The following RABGAP1L variants were observed in gnomAD, a reference collection of about 807,000 sequenced individuals.
The protein encoded by RABGAP1L is rab GTPase-activating protein 1-like.
A neutral mutation model predicts 137.7 loss-of-function variants in RABGAP1L; 63 were observed. The ratio of observed to expected loss-of-function variants is 0.46; its 90% CI spans 0.37 to 0.56. The LOEUF (loss-of-function observed/expected upper bound fraction) is 0.56, where lower values mean the gene tolerates loss of function less well. RABGAP1L is among the 20% of genes least tolerant of loss of function. RABGAP1L has a pLI of 0.00. For synonymous variants in RABGAP1L, 431 were observed against 433.7 expected, an observed-to-expected ratio of 0.99 and a Z score of 0.08; for missense variants, 1,095 against 1,244.0, an observed-to-expected ratio of 0.88 and a Z score of 1.80.
At chr1:174,949,432 C>T (rs182003927) in intron 19 of RABGAP1L, among the ~76,000 whole-genome samples, 78 of 152,190 alleles carry the variant, frequency 5.1e-4, no homozygotes, top group African/African-American at 1.4e-3. Context: ...ATTTTTGAGG[C>T]GTACAGTATA....
intron 10 of RABGAP1L, among the ~76,000 whole-genome samples, 170 bp downstream of exon 10, chr1:174,278,949 A>G (rs187590542): frequency 6.2e-4 from 94 of 152,318 alleles, no homozygotes; most frequent in Admixed American, 9.8e-4. Context: ...CATCTAGGTA[A>G]TATTAGCTAA....
chr1:174,333,887 A>G (rs138010730), intron 11 of RABGAP1L, among the ~76,000 whole-genome samples: 2,603 of 152,274 alleles, frequency 0.017, 32 homozygotes, highest in South Asian at 0.025. Flanking sequence ...CAGTCTTGCA[A>G]GTAGCATGAG....
intron 3 of RABGAP1L, among the ~76,000 whole-genome samples, chr1:174,228,195 T>G (rs1424580269): frequency 6.6e-6 from 1 of 152,100 alleles, no homozygotes; most frequent in Non-Finnish European, 1.5e-5. Flanking sequence ...TTATCATTTC[T>G]TATTTTTGGA....
Position 174,518,739 on chromosome 1 carries a change from A to G in RABGAP1L, c.1711-118636A>G, listed in dbSNP as rs143553626. 2.2e-4 allele frequency among the ~76,000 whole-genome samples: 34 copies of G among 152,308 alleles called. 2 individuals are homozygous for G. The highest frequency in any genetic ancestry group is 7.9e-4 in the African/African-American group (33 of 41,572). ...AAGTTGGCTGCTAGTTGTATAAATA[A>G]GCTAATGGCTTCAGTAATTGCTGTT... is the stretch of plus-strand genomic sequence containing the variant. On this transcript the variant is annotated intron_variant, in intron 13 of 25. Coordinates refer to ENST00000681986, the MANE Select transcript of RABGAP1L (RefSeq NM_001366446.1).
intron 15 of RABGAP1L, among the ~76,000 whole-genome samples, chr1:174,698,230 G>A (rs1318701266): frequency 6.6e-6 from 1 of 152,108 alleles, no homozygotes; most frequent in African/African-American, 2.4e-5. Context: ...CTGTATGCTT[G>A]GTGTAATTTC....
intron 4 of RABGAP1L, among the ~76,000 whole-genome samples, chr1:174,240,410 C>G (rs1018504194): frequency 6.6e-6 from 1 of 152,180 alleles, no homozygotes; most frequent in Non-Finnish European, 1.5e-5. Flanking sequence ...CCATGCCTGG[C>G]TGATTTTTGT....
intron 13 of RABGAP1L, among the ~76,000 whole-genome samples, chr1:174,580,830 A>G (rs1196461111): frequency 6.6e-6 from 1 of 152,270 alleles, no homozygotes; most frequent in African/African-American, 2.4e-5. Context: ...TTATAACTCA[A>G]TAAAAATGTA....
rs567045101 is a variant in RABGAP1L at position 174,234,906 on chromosome 1, A to G, written c.542+3551A>G. On this transcript the variant is annotated intron_variant, in intron 4 of 25. Coordinates refer to ENST00000681986, the MANE Select transcript of RABGAP1L (RefSeq NM_001366446.1). ...GATTCTTCCTACCCATGAGCATGGA[A>G]TGTTCTTCCATTTGTTTGTATCCTC... Among the ~76,000 whole-genome samples the G allele has an allele frequency of 1.2e-3, 152 of 131,690 alleles. 5 individuals are homozygous for G. The highest frequency in any genetic ancestry group is 7.2e-3 in the Middle Eastern group (2 of 278). The allele number at this position is 131,690 out of a possible 152,430, so 86.4% of individuals were successfully genotyped here.
intron 11 of RABGAP1L, among the ~76,000 whole-genome samples, chr1:174,351,991 G>A (rs890039537): frequency 2.6e-5 from 4 of 152,002 alleles, no homozygotes; most frequent in African/African-American, 4.8e-5. Context: ...TGTATTTTTA[G>A]TAGAGACAGG....
intron 17 of RABGAP1L, among the ~76,000 whole-genome samples, chr1:174,714,981 G>A (rs74721342): frequency 5.6e-4 from 85 of 152,224 alleles, no homozygotes; most frequent in African/African-American, 2.0e-3. Flanking sequence ...CTTGGCATAG[G>A]AATTTAATTA....
At chr1:174,232,687 G>A (rs1316974802) in intron 4 of RABGAP1L, among the ~76,000 whole-genome samples, 2 of 151,360 alleles carry the variant, frequency 1.3e-5, no homozygotes, top group African/African-American at 2.4e-5. Context: ...GGAGGTTGAG[G>A]CAGGAGAATG....
chr1:174,507,907 C>T lies in RABGAP1L; in HGVS notation c.1710+113762C>T, dbSNP rs112531424. On this transcript the variant is annotated intron_variant, in intron 13 of 25. Coordinates refer to ENST00000681986, the MANE Select transcript of RABGAP1L (RefSeq NM_001366446.1). ...TAAATGTAAAAACCATGGTTTATTT[C>T]GTTTTGTATTCTCTACAGGGTAGTG... 3.3e-3 allele frequency among the ~76,000 whole-genome samples: 506 copies of T among 152,074 alleles called. 2 individuals are homozygous for T. The highest frequency in any genetic ancestry group is 6.8e-3 in the African/African-American group (281 of 41,490).
intron 5 of RABGAP1L, chr1:174,246,458 T>C (rs1672270310): frequency 6.6e-6 from 1 of 152,238 alleles, no homozygotes; most frequent in South Asian, 2.1e-4. Context: ...GTTAGCCCAC[T>C]ATATTTGTGG....
intron 14 of RABGAP1L, among the ~76,000 whole-genome samples, chr1:174,639,003 A>T (rs1374651334): frequency 6.7e-6 from 1 of 150,220 alleles, no homozygotes; most frequent in Non-Finnish European, 1.5e-5. Context: ...AACCTGCACA[A>T]TGTGCACATG....
Position 174,513,336 on chromosome 1 carries a change from C to A in RABGAP1L, c.1710+119191C>A, listed in dbSNP as rs992184769. Among the ~76,000 whole-genome samples, 5 of 152,164 alleles carry A rather than the reference C, an allele frequency of 3.3e-5. No individual in the cohort carries two copies. In the South Asian group the frequency reaches 1.0e-3, roughly 32 times the overall value. ...CTTTGAGGCCAGATGCAGTAGCTCA[C>A]GCCTGTAATTTTAGCACTTTGGGAG... On this transcript the variant is annotated intron_variant, in intron 13 of 25. Coordinates refer to ENST00000681986, the MANE Select transcript of RABGAP1L (RefSeq NM_001366446.1).
chr1:174,587,248 C>A (rs1457769165), intron 13 of RABGAP1L, among the ~76,000 whole-genome samples: 1 of 128,094 alleles, frequency 7.8e-6, no homozygotes, highest in Non-Finnish European at 1.5e-5. Context: ...ATTTATGGTC[C>A]TTTGGGTATA....
chr1:174,659,265 A>G (rs1270597176), intron 14 of RABGAP1L, among the ~76,000 whole-genome samples: 1 of 150,870 alleles, frequency 6.6e-6, no homozygotes, highest in Admixed American at 6.6e-5. Context: ...TCCTCAAAAG[A>G]TTGATCTATA....
chr1:174,432,745 C>T (rs1046707746), intron 13 of RABGAP1L, among the ~76,000 whole-genome samples: 4 of 152,030 alleles, frequency 2.6e-5, no homozygotes, highest in Admixed American at 1.3e-4. Flanking sequence ...ACCATGTTGG[C>T]CAGGATGGTC....
Position 174,761,385 on chromosome 1 carries a change from G to C in RABGAP1L, c.2211+9031G>C. ...CCAGACAGTGCGGGGGCCAGGGAGA[G>C]GCACTCCTCACTTCCCAGAGGGTGG... On this transcript the variant is annotated intron_variant, in intron 18 of 25. Coordinates refer to ENST00000681986, the MANE Select transcript of RABGAP1L (RefSeq NM_001366446.1). This position sits in a 1 kb window ranked among gnomAD's most constrained non-coding sequence, Gnocchi z 4.0. Among the ~76,000 whole-genome samples, 1 of 152,228 alleles carries C rather than the reference G, an allele frequency of 6.6e-6. No homozygotes were observed. Among genetic ancestry groups the C allele is most frequent in the East Asian group, 1.9e-4 (1 of 5,198 alleles).
Sources: gnomAD v4.1 joint callset for allele counts (sites outside exome capture counted in the v4.1 genomes callset) on GRCh38, gnomAD v4.1.1 for gene constraint, Gnocchi (gnomAD v3.1) non-coding constraint, MANE v1.5 for transcripts, NCBI Gene and HGNC (gene_info 2026-07-23, HGNC 2026-07-21) for gene names.